Variants in MGAT4C observed in about 807,000 individuals in gnomAD.
MGAT4C encodes the protein alpha-1,3-mannosyl-glycoprotein 4-beta-N-acetylglucosaminyltransferase C.
A neutral mutation model predicts 40.1 loss-of-function variants in MGAT4C; 19 were observed. The ratio of observed to expected loss-of-function variants is 0.47; its 90% CI spans 0.33 to 0.70. MGAT4C has a LOEUF of 0.70. Ranked by LOEUF, MGAT4C falls within the 30% of genes least tolerant of loss-of-function variation. The pLI is 0.02. For missense variants in MGAT4C, 491 were observed against 563.2 expected, an observed-to-expected ratio of 0.87 and a Z score of 1.30; for synonymous variants, 181 against 187.1, an observed-to-expected ratio of 0.97 and a Z score of 0.27.
chr12:86,597,598 C>T (rs938657933), intron 2 of MGAT4C, among the ~76,000 whole-genome samples: 2 of 152,102 alleles, frequency 1.3e-5, no homozygotes, highest in African/African-American at 4.8e-5. Flanking sequence ...TTTTTCCTTT[C>T]TGATGTTCTT....
At chr12:86,415,442 C>A (rs1026903872) in intron 3 of MGAT4C, among the ~76,000 whole-genome samples, 1 of 151,936 alleles carries the variant, frequency 6.6e-6, no homozygotes, top group Non-Finnish European at 1.5e-5. Context: ...AGTCAGTGGG[C>A]ATATGAATAC....
At chr12:86,473,899 T>C (rs1957791547) in intron 2 of MGAT4C, among the ~76,000 whole-genome samples, 1 of 152,080 alleles carries the variant, frequency 6.6e-6, no homozygotes, top group South Asian at 2.1e-4. Context: ...AGAATTTGCA[T>C]GATAGGGTTC....
At chr12:86,569,620 A>G (rs545828360) in intron 2 of MGAT4C, among the ~76,000 whole-genome samples, 98 of 152,196 alleles carry the variant, frequency 6.4e-4, no homozygotes, top group African/African-American at 2.2e-3. Context: ...ATTACGGAAA[A>G]ACAGTACTGA....
chr12:86,048,881 G>T (rs568490940), intron 2 of MGAT4C, among the ~76,000 whole-genome samples: 81 of 151,948 alleles, frequency 5.3e-4, no homozygotes, highest in Non-Finnish European at 9.1e-4. Flanking sequence ...TTAATAAATG[G>T]AATCCAGGAA....
rs568185678 is a variant in MGAT4C at position 86,697,185 on chromosome 12, G to A, written c.-229+30024C>T. Among the ~76,000 whole-genome samples, 3 of 152,042 alleles carry A rather than the reference G, an allele frequency of 2.0e-5. No homozygotes were observed. The South Asian group carries it at 6.2e-4, about 32-fold the overall frequency. On this transcript the variant is annotated intron_variant, in intron 2 of 7. Coordinates refer to the MGAT4C transcript ENST00000548651. ...GATCATGACCTTATGTATAATATAG[G>A]TATATATACATAAAATTTCCTAAAT...
rs1278254268 is a variant in MGAT4C at position 86,824,247 on chromosome 12, G to C, written c.-262+14419C>G. Among the ~76,000 whole-genome samples, 5 of 151,390 alleles carry C rather than the reference G, an allele frequency of 3.3e-5. No individual in the cohort carries two copies. The East Asian group carries it at 5.8e-4, about 18-fold the overall frequency. ...GTTTAAAAATAGTCCCAAAGCACAAGAGTAGCGATGCTGGTAATTTGGCTA... is the reference window on the plus strand; with the variant it reads ...GTTTAAAAATAGTCCCAAAGCACAACAGTAGCGATGCTGGTAATTTGGCTA... On this transcript the variant is annotated intron_variant, in intron 1 of 7. Transcript: ENST00000548651.
chr12:86,171,099 C>T (rs572159016), intron 1 of MGAT4C, among the ~76,000 whole-genome samples: 27 of 151,718 alleles, frequency 1.8e-4, no homozygotes, highest in African/African-American at 3.1e-4. Context: ...TGGCTGGGCG[C>T]GGTGGCTCAT....
intron 2 of MGAT4C, among the ~76,000 whole-genome samples, chr12:86,007,344 C>T (rs1887988981): frequency 6.6e-6 from 1 of 152,012 alleles, no homozygotes; most frequent in South Asian, 2.1e-4. Context: ...TTATTTCAAT[C>T]TATGCTTTAG....
intron 4 of MGAT4C, among the ~76,000 whole-genome samples, chr12:86,314,436 T>C (rs1232708813): frequency 6.6e-6 from 1 of 152,212 alleles, no homozygotes; most frequent in Admixed American, 6.5e-5. Flanking sequence ...CCACTGGAAG[T>C]CCTAGCCCAG....
intron 2 of MGAT4C, among the ~76,000 whole-genome samples, chr12:86,715,373 G>T (rs1247890209): frequency 6.6e-6 from 1 of 152,124 alleles, no homozygotes; most frequent in African/African-American, 2.4e-5. Flanking sequence ...TAGCTGATGG[G>T]TGAGGAGCAT....
At chr12:86,149,651 G>A (rs1329953718) in intron 1 of MGAT4C, among the ~76,000 whole-genome samples, 1 of 152,134 alleles carries the variant, frequency 6.6e-6, no homozygotes, top group Non-Finnish European at 1.5e-5. Context: ...GACAAAGAAA[G>A]CTGTAAAGAA....
chr12:86,779,024 AC>A (rs1267089607), intron 1 of MGAT4C, among the ~76,000 whole-genome samples: 50 of 148,406 alleles, frequency 3.4e-4, no homozygotes, highest in Admixed American at 8.7e-4. Flanking sequence ...AAAAAAAAAA[AC>A]AACTGTTATT....
chr12:86,035,510 C>T lies in MGAT4C; in HGVS notation c.-7+14164G>A, dbSNP rs1049469935. ...CAGATGAATAGATTGCAAACATTTTCTCCCATTCTTTAGGTTGCTTGTTCA... is the reference window on the plus strand; with the variant it reads ...CAGATGAATAGATTGCAAACATTTTTTCCCATTCTTTAGGTTGCTTGTTCA... On this transcript the variant is annotated intron_variant, in intron 2 of 4. Coordinates refer to ENST00000611864, the MANE Select transcript of MGAT4C (RefSeq NM_001351288.2). Among the ~76,000 whole-genome samples, 8 of 149,832 alleles carry T rather than the reference C, an allele frequency of 5.3e-5. No individual in the cohort carries two copies. In the South Asian group the frequency reaches 6.3e-4, roughly 12 times the overall value.
rs534456324 is a variant in MGAT4C, at chr12:86,743,231, C to A, written c.-261-15990G>T. Among the ~76,000 whole-genome samples, 28 of 146,830 alleles carry A rather than the reference C, an allele frequency of 1.9e-4. No individual in the cohort carries two copies. The East Asian group carries it at 5.0e-3, about 26-fold the overall frequency. On this transcript the variant is annotated intron_variant, in intron 1 of 7. Transcript: ENST00000548651. ...ATAAGTACGGCAGAGTTAATATAAG[C>A]ATTTCTTCACAAAGAACTAGGGAAA... is the stretch of plus-strand genomic sequence containing the variant.
chr12:86,696,452 G>C (rs1950260749), intron 2 of MGAT4C, among the ~76,000 whole-genome samples: 1 of 152,254 alleles, frequency 6.6e-6, no homozygotes, highest in Non-Finnish European at 1.5e-5. Flanking sequence ...AGTCAGAACA[G>C]TCATCTCAAG....
chr12:86,393,513 G>T (rs1956193570), intron 3 of MGAT4C, among the ~76,000 whole-genome samples: 1 of 152,038 alleles, frequency 6.6e-6, no homozygotes, highest in Admixed American at 6.6e-5. Flanking sequence ...TGAGATTAAA[G>T]CACTTTCTTC....
At chr12:86,563,203 A>G (rs576491823) in intron 2 of MGAT4C, among the ~76,000 whole-genome samples, 1 of 152,222 alleles carries the variant, frequency 6.6e-6, no homozygotes, top group Non-Finnish European at 1.5e-5. Flanking sequence ...AGTGGGAACC[A>G]TAGTCACTCA....
intron 1 of MGAT4C, among the ~76,000 whole-genome samples, chr12:86,789,500 T>A (rs1951987584): frequency 6.6e-6 from 1 of 152,110 alleles, no homozygotes; most frequent in Admixed American, 6.6e-5. Flanking sequence ...CTTTCTTTCA[T>A]GAATTGTCAG....
intron 1 of MGAT4C, among the ~76,000 whole-genome samples, chr12:86,061,751 T>C (rs1893993964): frequency 6.6e-6 from 1 of 152,056 alleles, no homozygotes; most frequent in Non-Finnish European, 1.5e-5. Flanking sequence ...GTAAACAAAG[T>C]CATCAGGAAG....
Sources: gnomAD v4.1 joint callset for allele counts (sites outside exome capture counted in the v4.1 genomes callset) on GRCh38, gnomAD v4.1.1 for gene constraint, MANE v1.5 for transcripts, NCBI Gene and HGNC (gene_info 2026-07-23, HGNC 2026-07-21) for gene names.